The following KCTD8 variants were observed in gnomAD, a reference collection of about 807,000 sequenced individuals.
The protein encoded by KCTD8 is potassium channel tetramerization domain containing 8.
KCTD8 carries 27 observed loss-of-function variants against 31.5 expected under a neutral mutation model. That is an observed-to-expected ratio of 0.86 (90% confidence interval 0.63 to 1.18). The LOEUF (loss-of-function observed/expected upper bound fraction) is 1.18, where lower values mean the gene tolerates loss of function less well. KCTD8 is among the 50% of genes most tolerant of loss of function. The pLI is 0.00. For missense variants in KCTD8, 658 were observed against 647.7 expected, an observed-to-expected ratio of 1.02 and a Z score of -0.17; for synonymous variants, 290 against 280.0, an observed-to-expected ratio of 1.04 and a Z score of -0.36.
At chr4:44,220,930 A>G (rs2109347916) in intron 1 of KCTD8, among the ~76,000 whole-genome samples, 1 of 152,308 alleles carries the variant, frequency 6.6e-6, no homozygotes, top group African/African-American at 2.4e-5. Context: ...ATTTTGGAAT[A>G]CATGTGATGA....
chr4:44,431,674 T>C (rs1224646034), intron 1 of KCTD8, among the ~76,000 whole-genome samples: 1 of 151,628 alleles, frequency 6.6e-6, no homozygotes, highest in Non-Finnish European at 1.5e-5. Flanking sequence ...TTGACAGATA[T>C]ACTCAGGTGA....
At chr4:44,259,662 C>G (rs1716104929) in intron 1 of KCTD8, among the ~76,000 whole-genome samples, 1 of 151,880 alleles carries the variant, frequency 6.6e-6, no homozygotes, top group Non-Finnish European at 1.5e-5. Context: ...GTGAAATATT[C>G]AACAACATTT....
chr4:44,403,191 G>A (rs373123160), intron 1 of KCTD8, among the ~76,000 whole-genome samples: 4 of 139,412 alleles, frequency 2.9e-5, no homozygotes, highest in Non-Finnish European at 1.6e-5. Flanking sequence ...AGTGGAAGTT[G>A]AGCAAAATAG....
At chr4:44,301,973 G>A (rs1183811369) in intron 1 of KCTD8, among the ~76,000 whole-genome samples, 2 of 152,114 alleles carry the variant, frequency 1.3e-5, no homozygotes, top group Non-Finnish European at 2.9e-5. Context: ...ATTAAATAGG[G>A]AATCCTTTCC....
At chr4:44,226,156 G>T (rs2109350352) in intron 1 of KCTD8, among the ~76,000 whole-genome samples, 1 of 152,064 alleles carries the variant, frequency 6.6e-6, no homozygotes, top group East Asian at 1.9e-4. Flanking sequence ...AGCCTCATTT[G>T]CATTAGGTAT....
chr4:44,251,911 T>A (rs1242806373), intron 1 of KCTD8, among the ~76,000 whole-genome samples: 2 of 151,600 alleles, frequency 1.3e-5, no homozygotes, highest in Admixed American at 1.3e-4. Context: ...GGTTTTTACT[T>A]ACATGAATAA....
At chr4:44,368,893 G>T (rs564487422) in intron 1 of KCTD8, among the ~76,000 whole-genome samples, 1 of 152,138 alleles carries the variant, frequency 6.6e-6, no homozygotes, top group South Asian at 2.1e-4. Flanking sequence ...GCACATTTCG[G>T]TGTCTGCACT....
intron 1 of KCTD8, among the ~76,000 whole-genome samples, chr4:44,326,471 T>C (rs1162774101): frequency 6.6e-6 from 1 of 151,676 alleles, no homozygotes; most frequent in East Asian, 1.9e-4. Flanking sequence ...TCAGATCTAC[T>C]CCTGTATATT....
At chr4:44,243,209 G>A (rs554835388) in intron 1 of KCTD8, among the ~76,000 whole-genome samples, 4 of 152,270 alleles carry the variant, frequency 2.6e-5, no homozygotes, top group South Asian at 4.2e-4. Context: ...GGGTTCCAGC[G>A]AAGTTAAAAA....
intron 1 of KCTD8, among the ~76,000 whole-genome samples, chr4:44,347,891 A>G (rs73247511): frequency 0.23 from 35,212 of 152,076 alleles, 4,838 homozygotes; most frequent in Non-Finnish European, 0.31. Flanking sequence ...TATAGGGAAA[A>G]AATGTCATTA....
At chr4:44,220,603 GA>G (rs1714779290) in intron 1 of KCTD8, among the ~76,000 whole-genome samples, 3 of 152,154 alleles carry the variant, frequency 2.0e-5, no homozygotes, top group African/African-American at 7.2e-5. Context: ...CCTCCAAAAA[GA>G]GATGTATCTT....
intron 1 of KCTD8, among the ~76,000 whole-genome samples, chr4:44,431,862 T>G (rs1721514380): frequency 6.6e-6 from 1 of 151,576 alleles, no homozygotes. Flanking sequence ...CCTTGACAGT[T>G]TGGCTGTTGG....
At chr4:44,288,746 A>T (rs1316266628) in intron 1 of KCTD8, among the ~76,000 whole-genome samples, 1 of 152,172 alleles carries the variant, frequency 6.6e-6, no homozygotes. Flanking sequence ...TTCTGTTTTT[A>T]TATGAAAAAG....
chr4:44,392,841 T>G (rs534219061), intron 1 of KCTD8, among the ~76,000 whole-genome samples: 1 of 152,140 alleles, frequency 6.6e-6, no homozygotes, highest in South Asian at 2.1e-4. Context: ...ATAAATTTTA[T>G]TATAAACTAT....
chr4:44,418,747 G>A (rs903804124), intron 1 of KCTD8, among the ~76,000 whole-genome samples: 1 of 152,222 alleles, frequency 6.6e-6, no homozygotes, highest in South Asian at 2.1e-4. Context: ...ACCTCTTCAA[G>A]CCTCTGTCTT....
intron 1 of KCTD8, among the ~76,000 whole-genome samples, chr4:44,193,788 TTGTTTCAC>T (rs1299511574): frequency 6.6e-6 from 1 of 152,202 alleles, no homozygotes; most frequent in African/African-American, 2.4e-5. Context: ...GTTGTTGTTG[TTGTTTCAC>T]TGTTAGGTTG....
intron 1 of KCTD8, among the ~76,000 whole-genome samples, chr4:44,226,436 T>G (rs1201025984): frequency 6.6e-6 from 1 of 152,228 alleles, no homozygotes; most frequent in Non-Finnish European, 1.5e-5. Context: ...TTATCTGGTC[T>G]ATCATTGATG....
chr4:44,213,058 C>T (rs1250114456), intron 1 of KCTD8, among the ~76,000 whole-genome samples: 1 of 152,080 alleles, frequency 6.6e-6, no homozygotes, highest in Non-Finnish European at 1.5e-5. Flanking sequence ...CTGCCTCAGC[C>T]ACCCGAGTAG....
At chr4:44,272,683 G>A (rs546252709) in intron 1 of KCTD8, among the ~76,000 whole-genome samples, 1 of 152,136 alleles carries the variant, frequency 6.6e-6, no homozygotes, top group East Asian at 1.9e-4. Context: ...TTGATTAAAA[G>A]ATTGATTCAA....
Sources: gnomAD v4.1 joint callset for allele counts (sites outside exome capture counted in the v4.1 genomes callset) on GRCh38, gnomAD v4.1.1 for gene constraint, MANE v1.5 for transcripts, NCBI Gene and HGNC (gene_info 2026-07-23, HGNC 2026-07-21) for gene names.